The following QSOX1 variants were observed in gnomAD, a reference collection of about 807,000 sequenced individuals.
QSOX1 encodes sulfhydryl oxidase 1.
Under a neutral mutation model 76.1 loss-of-function variants are expected in QSOX1, and 40 were observed. That is an observed-to-expected ratio of 0.53 (90% CI 0.41 to 0.68). QSOX1 has a LOEUF of 0.68. Among genes scored for constraint, QSOX1 ranks in the 30% least tolerant of loss-of-function variants. The pLI is 0.00. For missense variants in QSOX1, 931 were observed against 974.3 expected (o/e 0.96, Z 0.59); for synonymous variants, 392 against 413.1 (o/e 0.95, Z 0.62).
chr1:180,189,740 C>T, intron 9 of QSOX1, 66 bp downstream of exon 9: 1 of 1,532,278 alleles, frequency 6.5e-7, no homozygotes, highest in South Asian at 1.2e-5. Context: ...AGGGGTTAAC[C>T]CTGTCATTTC....
chr1:180,203,377 T>C lies in QSOX1; in HGVS notation c.*6340T>C, dbSNP rs4652484. Reference sequence around the variant, plus strand: ...ATTAGGATGAACTTAAGTCAGGGCTTGGACTAGAGCAAGGCAAGTGAGGTG... The same window carrying C: ...ATTAGGATGAACTTAAGTCAGGGCTCGGACTAGAGCAAGGCAAGTGAGGTG... On this transcript the variant is annotated 3_prime_UTR_variant, in exon 12 of 12. Coordinates refer to ENST00000367602, the MANE Select transcript of QSOX1 (RefSeq NM_002826.5). 139,782 of 152,148 alleles carry C rather than the reference T, an allele frequency of 0.92. 64,443 individuals carry two copies. Among genetic ancestry groups the C allele is most frequent in the Non-Finnish European group, 0.95 (64,753 of 68,012 alleles). The allele number at this position is 152,148 out of a possible 1,614,324, so 9.4% of individuals were successfully genotyped here.
chr1:180,176,016 C>A lies in QSOX1; in HGVS notation c.498C>A (p.Pro166=), dbSNP rs750658723. Residue 166 remains proline (P), a synonymous_variant, in exon 4 of 12, where the codon CCC becomes CCA. Coordinates refer to ENST00000367602, the MANE Select transcript of QSOX1 (RefSeq NM_002826.5). ...SHHDTWPPAC[P]PLEPAKLEEI... ...ATGACACGTGGCCCCCAGCCTGTCC[C>A]CCACTGGAGCCTGCCAAGTACTTTG... The A allele has an allele frequency of 3.8e-6, 6 of 1,596,140 alleles. No individual in the cohort carries two copies. Among genetic ancestry groups the A allele is most frequent in the Non-Finnish European group, 5.1e-6 (6 of 1,171,862 alleles).
intron 6 of QSOX1, 152 bp downstream of exon 6, chr1:180,182,471 C>A: frequency 1.8e-6 from 2 of 1,105,134 alleles, no homozygotes; most frequent in Non-Finnish European, 2.6e-6. Context: ...TCTGCGGGGC[C>A]AGCGCCTCCA....
intron 5 of QSOX1, 66 bp from the exon 6 acceptor site, chr1:180,182,108 C>A: frequency 6.4e-7 from 1 of 1,574,768 alleles, no homozygotes; most frequent in Non-Finnish European, 8.7e-7. Flanking sequence ...GGTCACCGAG[C>A]TGGGACCCAG....
In QSOX1 at chr1:180,155,212, C is replaced by G. The variant is rs535013320; in HGVS notation, c.265+40C>G. ...CGGCCCGCTCCCCCGTGCCCCGCCG[C>G]CCGGACCCCTCCACCTGCCCGGTGG... On this transcript the variant is annotated intron_variant, in intron 1 of 11. Coordinates refer to ENST00000367602, the MANE Select transcript of QSOX1 (RefSeq NM_002826.5). The G allele has an allele frequency of 1.6e-5, 23 of 1,432,382 alleles. No individual in the cohort carries two copies. The South Asian group carries it at 3.0e-4, about 19-fold the overall frequency. 88.7% of individuals were successfully genotyped at this position (1,432,382 alleles called of 1,614,324 possible). A position where few individuals can be genotyped will look rare whatever the true frequency, so the allele number is the denominator to read the frequency against.
intron 1 of QSOX1, among the ~76,000 whole-genome samples, chr1:180,157,006 A>G (rs3753812): frequency 0.52 from 78,617 of 152,078 alleles, 23,249 homozygotes; most frequent in East Asian, 0.66. Flanking sequence ...TGCAATGCAG[A>G]GTTTTTAGTT....
At chr1:180,191,333 G>A (rs1663305164) in intron 10 of QSOX1, among the ~76,000 whole-genome samples, 1 of 152,254 alleles carries the variant, frequency 6.6e-6, no homozygotes, top group Non-Finnish European at 1.5e-5. Context: ...GATGTGGGGT[G>A]AAGAGAGGGC....
In QSOX1 at chr1:180,155,225, A is replaced by T. The variant is rs1158317841; in HGVS notation, c.265+53A>T. 4.3e-6 allele frequency: 6 copies of T among 1,396,232 alleles called. No homozygotes were observed. In the South Asian group the frequency reaches 6.0e-5, roughly 14 times the overall value. The allele number at this position is 1,396,232 out of a possible 1,614,324, so 86.5% of individuals were successfully genotyped here. On this transcript the variant is annotated intron_variant, in intron 1 of 11. Transcript: ENST00000367602. ...CGTGCCCCGCCGCCCGGACCCCTCC[A>T]CCTGCCCGGTGGGCAGCCTCCTACT...
At chr1:180,194,629 G>A (rs548938109) in intron 11 of QSOX1, among the ~76,000 whole-genome samples, 18 of 152,294 alleles carry the variant, frequency 1.2e-4, no homozygotes, top group African/African-American at 4.1e-4. Context: ...CCCTGCTCTA[G>A]GGCCCCTCTC....
In QSOX1 at chr1:180,202,733, A is replaced by G. The variant is rs115383570; in HGVS notation, c.*5696A>G. On this transcript the variant is annotated 3_prime_UTR_variant, in exon 12 of 12. Transcript: ENST00000367602. ...ATACTTCACTGTTTTTGAAAGCATG[A>G]AAACAATGGAAAATGCAACTGATGT... is the stretch of plus-strand genomic sequence containing the variant. 6 of 152,094 alleles carry G rather than the reference A, an allele frequency of 3.9e-5. No individual in the cohort carries two copies. The highest frequency in any genetic ancestry group is 6.5e-5 in the Admixed American group (1 of 15,278). The allele number at this position is 152,094 out of a possible 1,614,324, so 9.4% of individuals were successfully genotyped here. A position where few individuals can be genotyped will look rare whatever the true frequency, so the allele number is the denominator to read the frequency against.
At chr1:180,185,559 C>G (rs929508034) in intron 7 of QSOX1, among the ~76,000 whole-genome samples, 1 of 152,222 alleles carries the variant, frequency 6.6e-6, no homozygotes, top group Non-Finnish European at 1.5e-5. Context: ...TCCCCTCCTG[C>G]CCCCAGTCGC....
intron 4 of QSOX1, 142 bp from the exon 5 acceptor site, chr1:180,178,652 C>G: frequency 1.4e-6 from 1 of 713,540 alleles, no homozygotes; most frequent in Non-Finnish European, 2.5e-6. Flanking sequence ...TTGGTTGACT[C>G]CCTTGGAGGG....
At chr1:180,159,502 A>G (rs764501338) in intron 1 of QSOX1, among the ~76,000 whole-genome samples, 52 of 152,380 alleles carry the variant, frequency 3.4e-4, no homozygotes, top group Admixed American at 5.9e-4. Context: ...TGATTCTGGA[A>G]TCGGACAACA....
At chr1:180,159,326 A>G (rs12060240) in intron 1 of QSOX1, among the ~76,000 whole-genome samples, 4,481 of 152,326 alleles carry the variant, frequency 0.029, 125 homozygotes, top group East Asian at 0.092. Flanking sequence ...TGACACTTCA[A>G]AAAGCCTCTG....
Position 180,196,383 on chromosome 1 carries a change from C to G in QSOX1, c.1590C>G (p.Phe530Leu), listed in dbSNP as rs1164740001. The change falls in exon 12 of 12, where the codon TTC becomes TTG. Residue 530 changes from phenylalanine (F) to leucine (L), a missense_variant. Phe to Leu is a conservative substitution (Grantham distance 22). Transcript: ENST00000367602. This position sits in a 1 kb window ranked among gnomAD's most constrained non-coding sequence, Gnocchi z 4.1. ...PVWDVEATLN[F>L]LKAHFSPSNI... ...GGGACGTGGAAGCCACCCTCAACTT[C>G]CTCAAGGCCCACTTCTCCCCAAGCA... The G allele has an allele frequency of 6.2e-7, 1 of 1,614,212 alleles. No individual in the cohort carries two copies. The highest frequency in any genetic ancestry group is 1.3e-5 in the African/African-American group (1 of 75,052).
At chr1:180,177,354 A>G (rs962420703) in intron 4 of QSOX1, among the ~76,000 whole-genome samples, 2 of 151,674 alleles carry the variant, frequency 1.3e-5, no homozygotes, top group African/African-American at 4.9e-5. Context: ...CCTGGGTTCA[A>G]GCAATTCTGC....
intron 6 of QSOX1, 90 bp from the exon 7 acceptor site, chr1:180,183,826 A>G (rs1185033273): frequency 7.2e-7 from 1 of 1,386,106 alleles, no homozygotes; most frequent in Non-Finnish European, 9.9e-7. Context: ...CTGTCCGATG[A>G]GCCACCCTTC....
At chr1:180,185,640 C>T (rs1663152151) in intron 7 of QSOX1, among the ~76,000 whole-genome samples, 1 of 152,158 alleles carries the variant, frequency 6.6e-6, no homozygotes, top group African/African-American at 2.4e-5. Flanking sequence ...AGAGCCATGT[C>T]GTGTGTATGA....
chr1:180,163,793 A>C (rs1463807031), intron 1 of QSOX1, among the ~76,000 whole-genome samples: 5 of 152,210 alleles, frequency 3.3e-5, no homozygotes, highest in Non-Finnish European at 5.9e-5. Context: ...AGAATGTTGA[A>C]TAGAGATTGA....
Sources: allele counts gnomAD v4.1 joint callset (sites outside exome capture counted in the v4.1 genomes callset), GRCh38; gene constraint gnomAD v4.1.1; non-coding constraint Gnocchi (gnomAD v3.1); transcripts MANE v1.5; gene names NCBI Gene and HGNC (gene_info 2026-07-23, HGNC 2026-07-21).